The following C5orf22 variants were observed in gnomAD, a reference collection of about 807,000 sequenced individuals.
C5orf22 encodes UPF0489 protein C5orf22.
Under a neutral mutation model 48.7 loss-of-function variants are expected in C5orf22, and 36 were observed. The ratio of observed to expected loss-of-function variants is 0.74; its 90% CI spans 0.57 to 0.98. The LOEUF (loss-of-function observed/expected upper bound fraction) is 0.98, where lower values mean the gene tolerates loss of function less well. Among genes scored for constraint, C5orf22 ranks in the 50% least tolerant of loss-of-function variants. The pLI is 0.00. For synonymous variants in C5orf22, 141 were observed against 180.8 expected (o/e 0.78, Z 1.76); for missense variants, 486 against 521.9 (o/e 0.93, Z 0.67).
At chr5:31,536,036 G>A in intron 3 of C5orf22, 143 bp downstream of exon 3, 1 of 716,858 alleles carries the variant, frequency 1.4e-6, no homozygotes, top group Admixed American at 3.4e-5. Context: ...AAAACACGAA[G>A]AACAAACTTT....
rs768964065 is a variant in C5orf22, at chr5:31,538,240, C to T, written c.378-20C>T. On this transcript the variant is annotated intron_variant, in intron 3 of 8. Transcript: ENST00000325366. ...TGATTTGCCCATTCTTCTTAAAAATCGTTTTTTCCTCTGATTCAGGGTTAC... is the reference window on the plus strand; with the variant it reads ...TGATTTGCCCATTCTTCTTAAAAATTGTTTTTTCCTCTGATTCAGGGTTAC... The T allele has an allele frequency of 4.6e-6, 7 of 1,536,316 alleles. No homozygotes were observed. In the African/African-American group the frequency reaches 8.3e-5, roughly 18 times the overall value.
chr5:31,543,226 A>C (rs912826671), intron 6 of C5orf22, among the ~76,000 whole-genome samples: 3 of 152,240 alleles, frequency 2.0e-5, no homozygotes, highest in African/African-American at 7.2e-5. Context: ...TGGAAGAATA[A>C]TTCACAGTAA....
chr5:31,532,588 A>T, intron 1 of C5orf22, 115 bp downstream of exon 1: 1 of 851,896 alleles, frequency 1.2e-6, no homozygotes, highest in Non-Finnish European at 1.9e-6. Flanking sequence ...CCAGAGTTAA[A>T]CTGCCCTATT....
chr5:31,544,041 G>A (rs1426494674), intron 6 of C5orf22, among the ~76,000 whole-genome samples: 7 of 152,120 alleles, frequency 4.6e-5, no homozygotes, highest in Admixed American at 6.5e-5. Context: ...CCAGACCCTC[G>A]GCATGGAGGC....
chr5:31,534,302 T>C lies in C5orf22; in HGVS notation c.112T>C (p.Ser38Pro). ...VLPFIYRAIG[S>P]KHLPASNVSF... Reference sequence around the variant, plus strand: ...ACCCTTTATATACCGGGCCATAGGCTCAAAGCATCTTCCTGCCAGTAATGT... The same window carrying C: ...ACCCTTTATATACCGGGCCATAGGCCCAAAGCATCTTCCTGCCAGTAATGT... Residue 38 changes from serine (S) to proline (P), a missense_variant, in exon 2 of 9, where the codon TCA (serine) becomes CCA (proline). Coordinates refer to ENST00000325366, the MANE Select transcript of C5orf22 (RefSeq NM_018356.3). 1 of 1,614,002 alleles carries C rather than the reference T, an allele frequency of 6.2e-7. No individual in the cohort carries two copies. Among genetic ancestry groups the C allele is most frequent in the Non-Finnish European group, 8.5e-7 (1 of 1,179,888 alleles).
chr5:31,548,386 T>C (rs980064905), intron 7 of C5orf22: 5 of 246,796 alleles, frequency 2.0e-5, no homozygotes, highest in Non-Finnish European at 3.3e-5. Flanking sequence ...CCACCAGATA[T>C]GCTAAATCAT....
Position 31,553,005 on chromosome 5 carries a change from C to T in C5orf22, c.*103C>T. ...TCCAGAGAACACTGTTTTATATTAA[C>T]TTTCAGTTGAAATCTTTCAGATATT... On this transcript the variant is annotated 3_prime_UTR_variant, in exon 9 of 9. Coordinates refer to ENST00000325366, the MANE Select transcript of C5orf22 (RefSeq NM_018356.3). 2 of 1,025,484 alleles carry T rather than the reference C, an allele frequency of 2.0e-6. No individual in the cohort carries two copies. The highest frequency in any genetic ancestry group is 3.7e-5 in the South Asian group (2 of 54,536). The allele number at this position is 1,025,484 out of a possible 1,614,324, so 63.5% of individuals were successfully genotyped here.
chr5:31,543,034 C>G (rs1742567569), intron 6 of C5orf22, among the ~76,000 whole-genome samples: 1 of 152,168 alleles, frequency 6.6e-6, no homozygotes. Flanking sequence ...GTGGTTGCCT[C>G]TGGGGAGAGG....
intron 8 of C5orf22, 23 bp downstream of exon 8, chr5:31,551,455 T>A (rs1012107471): frequency 1.3e-6 from 2 of 1,585,518 alleles, no homozygotes; most frequent in African/African-American, 2.7e-5. Flanking sequence ...AGCAGAATAA[T>A]GGCAAATCAG....
chr5:31,553,147 G>T lies in C5orf22; in HGVS notation c.*245G>T. 9.9e-6 allele frequency: 3 copies of T among 302,194 alleles called. No individual in the cohort carries two copies. The highest frequency in any genetic ancestry group is 6.3e-5 in the East Asian group (1 of 15,948). The allele number at this position is 302,194 out of a possible 1,614,324, so 18.7% of individuals were successfully genotyped here. A position where few individuals can be genotyped will look rare whatever the true frequency, so the allele number is the denominator to read the frequency against. On this transcript the variant is annotated 3_prime_UTR_variant, in exon 9 of 9. Transcript: ENST00000325366. Reference sequence around the variant, plus strand: ...TCTGTCTTCCTTAAGTATTTTTTAGGGTTTTGTTTTTTTTTTTGTTTGTTT... The same window carrying T: ...TCTGTCTTCCTTAAGTATTTTTTAGTGTTTTGTTTTTTTTTTTGTTTGTTT...
intron 5 of C5orf22, 54 bp from the exon 6 acceptor site, chr5:31,541,227 G>T (rs1021874147): frequency 6.5e-5 from 102 of 1,562,752 alleles, no homozygotes; most frequent in Admixed American, 2.2e-4. Context: ...ATGGGATGTT[G>T]CTTGTTTTTT....
intron 7 of C5orf22, among the ~76,000 whole-genome samples, chr5:31,546,796 C>T (rs934492168): frequency 2.0e-5 from 3 of 152,170 alleles, no homozygotes; most frequent in African/African-American, 7.2e-5. Flanking sequence ...CATCGGCTTC[C>T]TCCCACTACA....
chr5:31,536,728 G>GT (rs1200131194), intron 3 of C5orf22, among the ~76,000 whole-genome samples: 1 of 152,072 alleles, frequency 6.6e-6, no homozygotes, highest in Non-Finnish European at 1.5e-5. Flanking sequence ...ATATGCAACT[G>GT]TTTTTATTGT....
rs775273553 is a variant in C5orf22, at chr5:31,552,783, G to C, written c.1210G>C (p.Asp404His). Reference sequence around the variant, plus strand: ...TTCTGTTGGTTCTAGGTCAAGTCTGGATGATTACTGTCCTTCTGACCAAGT... The same window carrying C: ...TTCTGTTGGTTCTAGGTCAAGTCTGCATGATTACTGTCCTTCTGACCAAGT... ...TLVTIARSSLDDYCPSDQVDT... is the reference protein window; with the variant it reads ...TLVTIARSSLHDYCPSDQVDT... Residue 404 changes from aspartate to histidine, a missense_variant, in exon 9 of 9, where the codon GAT becomes CAT. Around this residue, in one of 3 missense-constraint regions of C5orf22, gnomAD observed 408 missense variants for 444.0 expected, o/e 0.92. Transcript: ENST00000325366. The C allele has an allele frequency of 3.1e-6, 5 of 1,613,240 alleles. No homozygotes were observed. In the South Asian group the frequency reaches 5.5e-5, roughly 18 times the overall value.
In C5orf22 at chr5:31,553,049, A is replaced by G; in HGVS notation, c.*147A>G. ...AGATATTTTGAATCTCTGAACAACC[A>G]TTGTCAGTTGTGAATGATGGTAAAT... On this transcript the variant is annotated 3_prime_UTR_variant, in exon 9 of 9. Transcript: ENST00000325366. The G allele has an allele frequency of 1.3e-6, 1 of 743,120 alleles. No individual in the cohort carries two copies. Among genetic ancestry groups the G allele is most frequent in the Admixed American group, 3.3e-5 (1 of 30,742 alleles). The allele number at this position is 743,120 out of a possible 1,614,324, so 46.0% of individuals were successfully genotyped here. A position where few individuals can be genotyped will look rare whatever the true frequency, so the allele number is the denominator to read the frequency against.
chr5:31,538,831 G>C (rs997525316), intron 4 of C5orf22, 142 bp downstream of exon 4: 2 of 657,546 alleles, frequency 3.0e-6, no homozygotes, highest in Admixed American at 5.9e-5. Context: ...ACCCTTTTCT[G>C]TTGTTTTCTA....
intron 7 of C5orf22, among the ~76,000 whole-genome samples, chr5:31,547,431 C>G (rs759752340): frequency 6.6e-6 from 1 of 152,222 alleles, no homozygotes; most frequent in African/African-American, 2.4e-5. Flanking sequence ...GGCAGTGCCC[C>G]TAGGGACTCT....
chr5:31,538,168 A>G (rs1742214217), intron 3 of C5orf22, 92 bp from the exon 4 acceptor site: 1 of 932,808 alleles, frequency 1.1e-6, no homozygotes, highest in Non-Finnish European at 1.6e-6. Context: ...GTTTTTGTCA[A>G]ATAGGTCCGT....
At chr5:31,541,437 A>G (rs1329188748) in intron 6 of C5orf22, 35 bp downstream of exon 6, 6 of 1,607,680 alleles carry the variant, frequency 3.7e-6, no homozygotes, top group South Asian at 1.1e-5. Flanking sequence ...CCCCAACTCT[A>G]CTAACTTTCA....
Sources: allele counts gnomAD v4.1 joint callset (sites outside exome capture counted in the v4.1 genomes callset), GRCh38; gene constraint gnomAD v4.1.1; regional missense constraint gnomAD v4.1.1; transcripts MANE v1.5; gene names NCBI Gene and HGNC (gene_info 2026-07-23, HGNC 2026-07-21).